The following RPS20 variants were observed in gnomAD, a reference collection of about 807,000 sequenced individuals.
The protein encoded by RPS20 is small ribosomal subunit protein uS10.
A neutral mutation model predicts 15.3 loss-of-function variants in RPS20; 3 were observed. The ratio of observed to expected loss-of-function variants is 0.20; its 90% CI spans 0.09 to 0.51. The LOEUF (loss-of-function observed/expected upper bound fraction) is 0.51, where lower values mean the gene tolerates loss of function less well. RPS20 is among the 20% of genes least tolerant of loss of function. The pLI is 0.96. For synonymous variants in RPS20, 62 were observed against 47.8 expected, an observed-to-expected ratio of 1.30 and a Z score of -1.23; for missense variants, 67 against 145.9, an observed-to-expected ratio of 0.46 and a Z score of 2.79.
At chr8:56,069,525 C>G (rs4576403), downstream of RPS20, among the ~76,000 whole-genome samples, 6,250 of 152,230 alleles carry the variant, frequency 0.041, 433 homozygotes, top group African/African-American at 0.14. Context: ...TCTTGAACTC[C>G]TGACCTCAGG....
downstream of RPS20, among the ~76,000 whole-genome samples, chr8:56,069,541 C>T (rs1456131808): frequency 1.3e-5 from 2 of 152,118 alleles, no homozygotes; most frequent in Admixed American, 6.6e-5. Flanking sequence ...TCAGGTGATC[C>T]GCCCACCTTG....
chr8:56,072,548 T>TCCC (rs148676649), downstream of RPS20, among the ~76,000 whole-genome samples: 3 of 95,976 alleles, frequency 3.1e-5, no homozygotes, highest in African/African-American at 8.0e-5. Context: ...CAAAACGCCG[T>TCCC]CCCCCCCCCC....
downstream of RPS20, chr8:56,069,716 T>C (rs1192651217): frequency 2.6e-6 from 4 of 1,550,890 alleles, no homozygotes; most frequent in Non-Finnish European, 2.6e-6. Flanking sequence ...CTTGGTCACT[T>C]TTTTGGCGGA....
At chr8:56,072,377 C>T (rs1809788341), downstream of RPS20, among the ~76,000 whole-genome samples, 1 of 151,902 alleles carries the variant, frequency 6.6e-6, no homozygotes, top group African/African-American at 2.4e-5. Flanking sequence ...CAGGACAAAA[C>T]CCCATCTCTA....
downstream of RPS20, among the ~76,000 whole-genome samples, chr8:56,072,558 CA>C (rs376974506): frequency 0.021 from 2,949 of 138,886 alleles, 48 homozygotes; most frequent in African/African-American, 0.045. Context: ...TCCCCCCCCC[CA>C]AAAAAAAAAA....
At chr8:56,070,572 C>T, downstream of RPS20, among the ~76,000 whole-genome samples, 1 of 151,898 alleles carries the variant, frequency 6.6e-6, no homozygotes, top group Middle Eastern at 3.4e-3. Context: ...CCCATCTCCA[C>T]AAAAAAAGCC....
downstream of RPS20, among the ~76,000 whole-genome samples, chr8:56,071,036 T>C (rs74374395): frequency 0.031 from 4,669 of 152,292 alleles, 231 homozygotes; most frequent in African/African-American, 0.11. Flanking sequence ...GTTTGAGAAA[T>C]TGAAGATAAC....
rs1240120059 is a variant in RPS20 at position 56,074,393 on chromosome 8, G to A, written c.-10C>T. 3.2e-6 allele frequency: 5 copies of A among 1,559,562 alleles called. No individual in the cohort carries two copies. The East Asian group carries it at 7.1e-5, about 22-fold the overall frequency. ...ACTGCCGCCTCACCATGGCTGTTGC[G>A]CGCGGGCTTCCTGACCGACTTGTTC... is the stretch of plus-strand genomic sequence containing the variant. On this transcript the variant is annotated 5_prime_UTR_variant, in exon 1 of 4. Transcript: ENST00000009589.
chr8:56,073,887 ACCT>A (rs772889096), intron 2 of RPS20, 119 bp from the exon 3 acceptor site: 39 of 1,097,282 alleles, frequency 3.6e-5, no homozygotes, highest in East Asian at 2.8e-4. Flanking sequence ...CACAATAGGT[ACCT>A]CCTCATCGCC....
At position 56,074,162 on chromosome 8, in the gene RPS20, A is replaced by G. The variant is rs7841901; in HGVS notation, c.4-3T>C. 7.7e-3 allele frequency: 12,457 copies of G among 1,608,386 alleles called. 827 individuals are homozygous for G. In the African/African-American group the frequency reaches 0.14, roughly 18 times the overall value. On this transcript the variant is annotated splice_polypyrimidine_tract_variant and splice_region_variant and intron_variant, in intron 1 of 3. Transcript: ENST00000009589. Reference sequence around the variant, plus strand: ...GTTTTTCCGGTATCCTTAAAAGCCTATTATTAGATACATGAAAAAGAACAA... The same window carrying G: ...GTTTTTCCGGTATCCTTAAAAGCCTGTTATTAGATACATGAAAAAGAACAA...
chr8:56,074,189 A>G (rs746033827), intron 1 of RPS20, 30 bp from the exon 2 acceptor site: 3 of 1,587,868 alleles, frequency 1.9e-6, no homozygotes, highest in African/African-American at 2.7e-5. Flanking sequence ...AAAGAACAAT[A>G]AGCCAAAAAT....
In RPS20 at chr8:56,073,682, C is replaced by T. The variant is rs1329951262; in HGVS notation, c.177+13G>A. 21 of 1,609,944 alleles carry T rather than the reference C, an allele frequency of 1.3e-5. No individual in the cohort carries two copies. The highest frequency in any genetic ancestry group is 1.8e-5 in the Non-Finnish European group (21 of 1,176,866). On this transcript the variant is annotated intron_variant, in intron 3 of 3. Coordinates refer to ENST00000009589, the MANE Select transcript of RPS20 (RefSeq NM_001023.4). ...AAGCAACTCCTACTTCCTGCCCCTC[C>T]GATTTACTTTACCTTGGTAGGCATT...
At position 56,073,629 on chromosome 8, in the gene RPS20, A is replaced by G. The variant is rs1809834368; in HGVS notation, c.177+66T>C. The G allele has an allele frequency of 3.6e-6, 5 of 1,390,088 alleles. No homozygotes were observed. The African/African-American group carries it at 4.3e-5, about 12-fold the overall frequency. 86.1% of individuals were successfully genotyped at this position (1,390,088 alleles called of 1,614,324 possible). On this transcript the variant is annotated intron_variant, in intron 3 of 3. Transcript: ENST00000009589. ...AACAATTTTGGCAGCCGAACTCCTTAAAGAACCTGAATTTATGCAACATCC... is the reference window on the plus strand; with the variant it reads ...AACAATTTTGGCAGCCGAACTCCTTGAAGAACCTGAATTTATGCAACATCC...
At chr8:56,070,945 T>C (rs747346591), downstream of RPS20, among the ~76,000 whole-genome samples, 6 of 152,202 alleles carry the variant, frequency 3.9e-5, no homozygotes, top group Non-Finnish European at 5.9e-5. Context: ...ATTATTGGCA[T>C]CATTACCACT....
rs1809817448 is a variant in RPS20, at chr8:56,073,261, G to A, written c.189C>T (p.Ile63=). The A allele has an allele frequency of 1.2e-6, 2 of 1,602,970 alleles. No individual in the cohort carries two copies. Among genetic ancestry groups the A allele is most frequent in the Non-Finnish European group, 8.5e-7 (1 of 1,173,524 alleles). The stretch of plus-strand genomic sequence containing the variant: ...CACCACAAGGAGTTTTTCTTGTAGT[G>A]ATTCTCAAAGTCTGTAACAAAAGAC... ...PVRMPTKTLR[I]TTRKTPCGEG... Residue 63 remains isoleucine, a synonymous_variant, in exon 4 of 4, where the codon ATC becomes ATT. Transcript: ENST00000009589.
chr8:56,073,043 A>G, downstream of RPS20: 1 of 1,577,224 alleles, frequency 6.3e-7, no homozygotes, highest in South Asian at 1.1e-5. Context: ...CTGAATAAAA[A>G]CCAACAGAAG....
chr8:56,074,050 AT>A lies in RPS20; in HGVS notation c.103+9del. On this transcript the variant is annotated intron_variant, in intron 2 of 3. Transcript: ENST00000009589. The stretch of plus-strand genomic sequence containing the variant: ...ATTCCCCCTCCCCCCCGCATAACGA[AT>A]GCACTGACCCTTTTCCAAGGATTTT... 6.2e-7 allele frequency: 1 copy of A among 1,606,544 alleles called. No homozygotes were observed.
chr8:56,071,210 A>G (rs1809745372), downstream of RPS20, among the ~76,000 whole-genome samples: 1 of 152,190 alleles, frequency 6.6e-6, no homozygotes, highest in Non-Finnish European at 1.5e-5. Context: ...GATTTACTGA[A>G]GTGTATTTTT....
downstream of RPS20, chr8:56,072,721 T>C (rs113563215): frequency 9.0e-4 from 203 of 225,684 alleles, 1 homozygote; most frequent in African/African-American, 4.7e-3. Context: ...TTTAAAAATA[T>C]TAGTTACTAG....
Sources: gnomAD v4.1 joint callset for allele counts (sites outside exome capture counted in the v4.1 genomes callset) on GRCh38, gnomAD v4.1.1 for gene constraint, MANE v1.5 for transcripts, NCBI Gene and HGNC (gene_info 2026-07-23, HGNC 2026-07-21) for gene names.